The following SIRPG variants were observed in gnomAD, a reference collection of about 807,000 sequenced individuals.
The protein encoded by SIRPG is signal-regulatory protein gamma.
In SIRPG, 38 loss-of-function variants were observed where a neutral mutation model predicts 35.7. The ratio of observed to expected loss-of-function variants is 1.06; its 90% CI spans 0.82 to 1.40. The LOEUF (loss-of-function observed/expected upper bound fraction) is 1.40. SIRPG is among the 40% of genes most tolerant of loss of function. SIRPG has a pLI of 0.00. For missense variants in SIRPG, 519 were observed against 483.0 expected (o/e 1.07, Z -0.70); for synonymous variants, 215 against 190.4 (o/e 1.13, Z -1.06).
Position 1,636,421 on chromosome 20 carries a change from C to G in SIRPG, c.515G>C (p.Gly172Ala), listed in dbSNP as rs749913117. ...CAGGGTGATGTCTCTGGGAGAGAAG[C>G]CATGGGACTCACAGGTGAAACTCAC... The part of the protein sequence containing the change: ...HTVSFTCESH[G>A]FSPRDITLKW... The change falls in exon 3 of 6, where the codon GGC becomes GCC. Residue 172 changes from glycine to alanine, a missense_variant. Physicochemically the swap from Gly to Ala is moderately conservative, Grantham distance 60. Transcript: ENST00000303415. The G allele has an allele frequency of 5.6e-6, 9 of 1,614,222 alleles. No homozygotes were observed. The highest frequency in any genetic ancestry group is 7.6e-6 in the Non-Finnish European group (9 of 1,180,032).
the SIRPG span, among the ~76,000 whole-genome samples, chr20:1,666,064 C>T: frequency 6.6e-6 from 1 of 151,600 alleles, no homozygotes; most frequent in Non-Finnish European, 1.5e-5. Flanking sequence ...TGATCCTGAC[C>T]CTGTAGGCCC....
chr20:1,683,881 A>C, the SIRPG span, among the ~76,000 whole-genome samples: 3 of 152,094 alleles, frequency 2.0e-5, no homozygotes, highest in African/African-American at 7.2e-5. Flanking sequence ...AAGCAGGAGA[A>C]TCACTTGAAC....
At chr20:1,650,362 C>T (rs2122554422) in intron 1 of SIRPG, among the ~76,000 whole-genome samples, 1 of 152,068 alleles carries the variant, frequency 6.6e-6, no homozygotes, top group African/African-American at 2.4e-5. Flanking sequence ...ACTAAAACAG[C>T]AGGGATATAA....
chr20:1,644,932 G>A (rs539181002), intron 2 of SIRPG, among the ~76,000 whole-genome samples: 7 of 152,270 alleles, frequency 4.6e-5, no homozygotes, highest in Non-Finnish European at 8.8e-5. Context: ...GGATTTGCTC[G>A]CTTTTTTGGT....
At chr20:1,656,362 G>A (rs945299238) in intron 1 of SIRPG, among the ~76,000 whole-genome samples, 27 of 152,206 alleles carry the variant, frequency 1.8e-4, no homozygotes, top group African/African-American at 6.5e-4. Flanking sequence ...TCCACACAGG[G>A]ATGCTGTGAG....
In SIRPG at chr20:1,657,673, G is replaced by A. The variant is rs867272459; in HGVS notation, c.42C>T (p.Phe14=). The A allele has an allele frequency of 6.2e-7, 1 of 1,614,198 alleles. No homozygotes were observed. Residue 14 remains phenylalanine, a synonymous_variant, in exon 1 of 6, where the codon TTC becomes TTT. Coordinates refer to ENST00000303415, the MANE Select transcript of SIRPG (RefSeq NM_018556.4). Reference sequence around the variant, plus strand: ...GTCCCAGCAGTAGAGTCAGAAGCAGGAAAGGACCAGGAGGATGGGGCCAGG... The same window carrying A: ...GTCCCAGCAGTAGAGTCAGAAGCAGAAAAGGACCAGGAGGATGGGGCCAGG... ...PASWPHPPGP[F]LLLTLLLGLT...
chr20:1,676,506 AG>A, the SIRPG span, among the ~76,000 whole-genome samples: 5 of 152,216 alleles, frequency 3.3e-5, no homozygotes, highest in South Asian at 1.0e-3. Context: ...AAGGAATGAT[AG>A]GGTTTATGTT....
chr20:1,678,930 A>G, the SIRPG span, among the ~76,000 whole-genome samples: 1 of 152,250 alleles, frequency 6.6e-6, no homozygotes, highest in Non-Finnish European at 1.5e-5. Context: ...CAGAGGAATG[A>G]TATGTTTAAA....
At chr20:1,678,819 A>G in the SIRPG span, among the ~76,000 whole-genome samples, 4 of 152,234 alleles carry the variant, frequency 2.6e-5, no homozygotes, top group Admixed American at 6.5e-5. Flanking sequence ...AGTCAAGGAA[A>G]GAATTCTGAA....
At chr20:1,644,165 C>T (rs529391443) in intron 2 of SIRPG, among the ~76,000 whole-genome samples, 71 of 152,316 alleles carry the variant, frequency 4.7e-4, no homozygotes, top group African/African-American at 1.5e-3. Context: ...TCAGAACTAG[C>T]AGCAGGAAAA....
chr20:1,638,964 G>A (rs1195441830), intron 2 of SIRPG, among the ~76,000 whole-genome samples: 2 of 152,000 alleles, frequency 1.3e-5, no homozygotes, highest in African/African-American at 4.8e-5. Flanking sequence ...TCTTTTTTAT[G>A]GCTGCATAGT....
At chr20:1,684,335 T>C in the SIRPG span, among the ~76,000 whole-genome samples, 1 of 152,078 alleles carries the variant, frequency 6.6e-6, no homozygotes, top group South Asian at 2.1e-4. Flanking sequence ...TCATTGCAAA[T>C]AAAAAGATAA....
In SIRPG at chr20:1,635,125, G is replaced by A. The variant is rs79366176; in HGVS notation, c.1081+142C>T. The A allele has an allele frequency of 7.1e-3, 4,449 of 629,448 alleles. 147 individuals are homozygous for A. The African/African-American group carries it at 0.071, about 10-fold the overall frequency. The allele number at this position is 629,448 out of a possible 1,614,324, so 39.0% of individuals were successfully genotyped here. A position where few individuals can be genotyped will look rare whatever the true frequency, so the allele number is the denominator to read the frequency against. On this transcript the variant is annotated intron_variant, in intron 4 of 5. Coordinates refer to ENST00000303415, the MANE Select transcript of SIRPG (RefSeq NM_018556.4). Reference sequence around the variant, plus strand: ...AAATTCTTACTAGTCATGACTCTTCGCATGTGGGATTTGGGGGGATGGAGC... The same window carrying A: ...AAATTCTTACTAGTCATGACTCTTCACATGTGGGATTTGGGGGGATGGAGC...
At chr20:1,659,867 C>T (rs2122596272), upstream of SIRPG, among the ~76,000 whole-genome samples, 1 of 152,306 alleles carries the variant, frequency 6.6e-6, no homozygotes, top group African/African-American at 2.4e-5. Context: ...GCCCTGACAA[C>T]CCATGATCAC....
the SIRPG span, among the ~76,000 whole-genome samples, chr20:1,681,374 C>T: frequency 6.6e-6 from 1 of 152,164 alleles, no homozygotes; most frequent in Non-Finnish European, 1.5e-5. Context: ...TGCCAATTAC[C>T]AATGAATGAC....
chr20:1,631,187 A>T (rs897782658), intron 4 of SIRPG, among the ~76,000 whole-genome samples: 1 of 152,134 alleles, frequency 6.6e-6, no homozygotes, highest in African/African-American at 2.4e-5. Context: ...AAATAAATAA[A>T]ATGGTGCTGG....
intron 2 of SIRPG, 88 bp from the exon 3 acceptor site, chr20:1,636,593 T>A (rs894392149): frequency 5.3e-6 from 7 of 1,325,102 alleles, no homozygotes; most frequent in African/African-American, 2.9e-5. Flanking sequence ...AACCTTCAGA[T>A]ACATTAATTT....
rs2091803202 is a variant in SIRPG, at chr20:1,636,447, T to C, written c.489A>G (p.Thr163=). The change falls in exon 3 of 6, where the codon ACA becomes ACG. Residue 163 remains threonine, a synonymous_variant. Coordinates refer to ENST00000303415, the MANE Select transcript of SIRPG (RefSeq NM_018556.4). Reference sequence around the variant, plus strand: ...CATGGGACTCACAGGTGAAACTCACTGTATGCTCAGGTGTGGTCCTCGCCG... The same window carrying C: ...CATGGGACTCACAGGTGAAACTCACCGTATGCTCAGGTGTGGTCCTCGCCG... The part of the protein sequence containing the change: ...GPAARTTPEH[T]VSFTCESHGF... 2.5e-6 allele frequency: 4 copies of C among 1,614,210 alleles called. No homozygotes were observed. In the South Asian group the frequency reaches 3.3e-5, roughly 13 times the overall value.
At chr20:1,682,929 G>C in the SIRPG span, among the ~76,000 whole-genome samples, 1 of 152,160 alleles carries the variant, frequency 6.6e-6, no homozygotes. Context: ...TACATACATA[G>C]CCAAGAAAAC....
Sources: gnomAD v4.1 joint callset for allele counts (sites outside exome capture counted in the v4.1 genomes callset) on GRCh38, gnomAD v4.1.1 for gene constraint, MANE v1.5 for transcripts, NCBI Gene and HGNC (gene_info 2026-07-23, HGNC 2026-07-21) for gene names.